Variants in SAMD13 observed in about 807,000 individuals in gnomAD.
SAMD13 encodes sterile alpha motif domain containing 13, also known as sterile alpha motif domain-containing protein 13.
A neutral mutation model predicts 12.4 loss-of-function variants in SAMD13; 9 were observed. The ratio of observed to expected loss-of-function variants is 0.72; its 90% CI spans 0.44 to 1.26. The LOEUF is 1.26. Among genes scored for constraint, SAMD13 ranks in the 50% most tolerant of loss-of-function variants. SAMD13 has a pLI of 0.00. For synonymous variants in SAMD13, 46 were observed against 45.4 expected, an observed-to-expected ratio of 1.01 and a Z score of -0.05; for missense variants, 84 against 119.6, an observed-to-expected ratio of 0.70 and a Z score of 1.39.
upstream of SAMD13, among the ~76,000 whole-genome samples, chr1:84,299,993 C>G (rs778542648): frequency 7.2e-5 from 11 of 152,114 alleles, no homozygotes; most frequent in Non-Finnish European, 1.2e-4. Context: ...TTTGCCTTTT[C>G]CCCGTCAAGA....
Position 84,304,464 on chromosome 1 carries a change from C to CT in SAMD13, c.53+1181dup, listed in dbSNP as rs570663462. Among the ~76,000 whole-genome samples, 91 of 152,230 alleles carry CT rather than the reference C, an allele frequency of 6.0e-4. No individual in the cohort carries two copies. In the South Asian group the frequency reaches 0.01, roughly 17 times the overall value. On this transcript the variant is annotated intron_variant, in intron 2 of 3. Transcript: ENST00000394834. ...TGACTAGTTTAAGTAAGAAACTGAA[C>CT]TTTTAATTTTACTTAATTGTAATTA... is the stretch of plus-strand genomic sequence containing the variant.
Position 84,343,982 on chromosome 1 carries a change from A to T in SAMD13, c.166-5649A>T, listed in dbSNP as rs1005582605. 9.2e-5 allele frequency among the ~76,000 whole-genome samples: 14 copies of T among 152,090 alleles called. 1 individual carries two copies. In the South Asian group the frequency reaches 1.5e-3, roughly 16 times the overall value. Reference sequence around the variant, plus strand: ...TATTTTGAAAAGCCTGCCTAGTTTCATCTCTATGACCCAGTTTTCTCATTT... The same window carrying T: ...TATTTTGAAAAGCCTGCCTAGTTTCTTCTCTATGACCCAGTTTTCTCATTT... On this transcript the variant is annotated intron_variant, in intron 3 of 3. Coordinates refer to ENST00000394834, the MANE Select transcript of SAMD13 (RefSeq NM_001134663.2).
chr1:84,345,127 GC>G, intron 3 of SAMD13: 1 of 456,598 alleles, frequency 2.2e-6, no homozygotes. Flanking sequence ...CCCTTTGTAA[GC>G]AGCAGACTGA....
At position 84,349,914 on chromosome 1, in the gene SAMD13, A is replaced by G; in HGVS notation, c.*140A>G. 7.3e-7 allele frequency: 1 copy of G among 1,369,996 alleles called. No individual in the cohort carries two copies. The highest frequency in any genetic ancestry group is 9.4e-7 in the Non-Finnish European group (1 of 1,062,236). The allele number at this position is 1,369,996 out of a possible 1,614,324, so 84.9% of individuals were successfully genotyped here. ...CAAATGAAACGTTATCCTATTGGAT[A>G]GACTAGGCAATTCATCAGCTCACCT... On this transcript the variant is annotated 3_prime_UTR_variant, in exon 4 of 4. Transcript: ENST00000394834.
chr1:84,327,290 G>T (rs315553), intron 3 of SAMD13, among the ~76,000 whole-genome samples: 127,705 of 152,096 alleles, frequency 0.84, 55,170 homozygotes, highest in Non-Finnish European at 0.96. Context: ...GCAGCCATTT[G>T]CATGAGTCTC....
intron 2 of SAMD13, among the ~76,000 whole-genome samples, chr1:84,313,593 C>G (rs1438416205): frequency 6.6e-6 from 1 of 152,034 alleles, no homozygotes; most frequent in Non-Finnish European, 1.5e-5. Flanking sequence ...ATGACAGATG[C>G]ATGTAGTAAG....
intron 2 of SAMD13, among the ~76,000 whole-genome samples, chr1:84,314,659 A>G (rs933200030): frequency 6.6e-6 from 1 of 152,068 alleles, no homozygotes; most frequent in Non-Finnish European, 1.5e-5. Context: ...CTTCTTCCCA[A>G]AAAAACAGCA....
upstream of SAMD13, chr1:84,298,664 C>G: frequency 8.9e-7 from 1 of 1,129,928 alleles, no homozygotes; most frequent in African/African-American, 1.6e-5. Flanking sequence ...ATGAAAACCG[C>G]TCTGCCCTCC....
chr1:84,324,413 C>T (rs1209791019), intron 2 of SAMD13, among the ~76,000 whole-genome samples: 1 of 152,164 alleles, frequency 6.6e-6, no homozygotes, highest in South Asian at 2.1e-4. Flanking sequence ...TCTTTTAGAT[C>T]GTACCTGAAA....
Position 84,311,992 on chromosome 1 carries a change from T to C in SAMD13, c.53+8705T>C, listed in dbSNP as rs149205574. 4.8e-3 allele frequency among the ~76,000 whole-genome samples: 733 copies of C among 152,332 alleles called. 8 individuals carry two copies. Among genetic ancestry groups the C allele is most frequent in the African/African-American group, 0.016 (679 of 41,584 alleles). On this transcript the variant is annotated intron_variant, in intron 2 of 3. Coordinates refer to ENST00000394834, the MANE Select transcript of SAMD13 (RefSeq NM_001134663.2). Reference sequence around the variant, plus strand: ...TTTTACATTTTGAATCAGTTGGTCTTAGGTTTTGTTAGAAAGACCTTGTAT... The same window carrying C: ...TTTTACATTTTGAATCAGTTGGTCTCAGGTTTTGTTAGAAAGACCTTGTAT...
At chr1:84,339,641 C>T (rs906209210) in intron 3 of SAMD13, among the ~76,000 whole-genome samples, 6 of 152,112 alleles carry the variant, frequency 3.9e-5, no homozygotes, top group African/African-American at 9.7e-5. Flanking sequence ...GCAGTGGCAA[C>T]GGGATCTGTG....
intron 2 of SAMD13, among the ~76,000 whole-genome samples, chr1:84,314,715 A>G (rs1218590692): frequency 6.6e-6 from 1 of 152,268 alleles, no homozygotes; most frequent in East Asian, 1.9e-4. Flanking sequence ...CATGATGGTA[A>G]GATGTTGTAT....
intron 3 of SAMD13, among the ~76,000 whole-genome samples, chr1:84,330,040 T>G (rs1031889495): frequency 2.0e-5 from 3 of 152,156 alleles, no homozygotes; most frequent in African/African-American, 7.2e-5. Flanking sequence ...CCACAGACAC[T>G]GTGGTGTGGG....
intron 2 of SAMD13, among the ~76,000 whole-genome samples, chr1:84,309,285 G>C (rs1678656111): frequency 6.6e-6 from 1 of 152,050 alleles, no homozygotes; most frequent in South Asian, 2.1e-4. Flanking sequence ...GAATGAGTTT[G>C]GTTTTAAGGA....
intron 3 of SAMD13, chr1:84,345,029 T>C (rs768432103): frequency 1.1e-5 from 5 of 456,728 alleles, no homozygotes; most frequent in South Asian, 7.7e-5. Flanking sequence ...CCTCCATCTT[T>C]GATGTGGCTC....
chr1:84,316,188 A>G (rs1205915455), intron 2 of SAMD13, among the ~76,000 whole-genome samples: 3 of 152,088 alleles, frequency 2.0e-5, no homozygotes, highest in South Asian at 2.1e-4. Context: ...ACTCTATTGA[A>G]TATTTCCCTG....
intron 2 of SAMD13, among the ~76,000 whole-genome samples, chr1:84,324,396 C>T (rs1249770644): frequency 3.3e-5 from 5 of 152,200 alleles, no homozygotes; most frequent in South Asian, 2.1e-4. Context: ...CAGTTAATTT[C>T]TGGCTGTCTT....
chr1:84,331,149 C>T (rs1679172453), intron 3 of SAMD13, among the ~76,000 whole-genome samples: 1 of 151,604 alleles, frequency 6.6e-6, no homozygotes, highest in African/African-American at 2.4e-5. Flanking sequence ...ATACTAACTA[C>T]CTCAAAATGG....
At chr1:84,301,886 T>C (rs1022043590) in intron 1 of SAMD13, 85 bp downstream of exon 1, 3 of 522,678 alleles carry the variant, frequency 5.7e-6, no homozygotes, top group South Asian at 1.6e-4. Flanking sequence ...CAGAGTATCA[T>C]TGTGAGTGTT....
Sources: allele counts gnomAD v4.1 joint callset (sites outside exome capture counted in the v4.1 genomes callset), GRCh38; gene constraint gnomAD v4.1.1; transcripts MANE v1.5; gene names NCBI Gene and HGNC (gene_info 2026-07-23, HGNC 2026-07-21).